Variants in TMEM44 observed in about 807,000 individuals in gnomAD.
The protein encoded by TMEM44 is transmembrane protein 44.
In TMEM44, 43 loss-of-function variants were observed where a neutral mutation model predicts 47.8. The ratio of observed to expected loss-of-function variants is 0.90; its 90% CI spans 0.70 to 1.16. The LOEUF is 1.16. Ranked by LOEUF, TMEM44 falls within the 50% of genes most tolerant of loss-of-function variation. The pLI, the probability that TMEM44 is intolerant of heterozygous loss-of-function variation, is 0.00. For missense variants in TMEM44, 568 were observed against 555.2 expected, an observed-to-expected ratio of 1.02 and a Z score of -0.23; for synonymous variants, 277 against 238.8, an observed-to-expected ratio of 1.16 and a Z score of -1.48.
chr3:194,627,788 G>A (rs1717335261), intron 2 of TMEM44, among the ~76,000 whole-genome samples: 1 of 152,044 alleles, frequency 6.6e-6, no homozygotes, highest in African/African-American at 2.4e-5. Context: ...AGACCAGCCT[G>A]GGCAACATGG....
chr3:194,611,005 G>A lies in TMEM44; in HGVS notation c.928C>T (p.Pro310Ser). The A allele has an allele frequency of 6.2e-7, 1 of 1,613,944 alleles. No individual in the cohort carries two copies. Among genetic ancestry groups the A allele is most frequent in the Admixed American group, 1.7e-5 (1 of 60,002 alleles). Residue 310 changes from proline (P) to serine (S), a missense_variant, in exon 8 of 10, where the codon CCT becomes TCT. Coordinates refer to ENST00000347147, the MANE Select transcript of TMEM44 (RefSeq NM_001011655.3). This position sits in a 1 kb window ranked among gnomAD's most constrained non-coding sequence, Gnocchi z 4.2. ...EENQENLDWV[P>S]LTTLSHCKSL... Reference sequence around the variant, plus strand: ...TTGCAGTGTGACAGTGTGGTGAGAGGCACCCAATCCAAATTCTTGCAAGTA... The same window carrying A: ...TTGCAGTGTGACAGTGTGGTGAGAGACACCCAATCCAAATTCTTGCAAGTA...
intron 9 of TMEM44, among the ~76,000 whole-genome samples, chr3:194,594,951 G>A (rs1224534811): frequency 6.6e-6 from 1 of 152,094 alleles, no homozygotes; most frequent in Admixed American, 6.6e-5. Context: ...GTGTGCCTAA[G>A]GAGTACAATT....
intron 4 of TMEM44, 22 bp downstream of exon 4, chr3:194,623,507 C>A (rs369761643): frequency 2.8e-4 from 445 of 1,565,546 alleles, no homozygotes; most frequent in Non-Finnish European, 2.6e-4. Flanking sequence ...CCCGAGTCCT[C>A]CCCACGGTGG....
intron 8 of TMEM44, among the ~76,000 whole-genome samples, chr3:194,604,871 C>T (rs773024289): frequency 3.9e-5 from 6 of 152,202 alleles, no homozygotes; most frequent in Non-Finnish European, 8.8e-5. Flanking sequence ...CAGTCTCTTG[C>T]TTTTGCAATC....
intron 8 of TMEM44, among the ~76,000 whole-genome samples, chr3:194,609,950 C>T (rs554302033): frequency 1.3e-5 from 2 of 152,218 alleles, no homozygotes; most frequent in East Asian, 1.9e-4. Context: ...TAGACACGGC[C>T]GGACGCAGTG....
At chr3:194,609,253 C>T (rs982730475) in intron 8 of TMEM44, among the ~76,000 whole-genome samples, 4 of 151,948 alleles carry the variant, frequency 2.6e-5, no homozygotes, top group African/African-American at 7.3e-5. Flanking sequence ...GGGGAAAGGA[C>T]GGAGACACGA....
intron 9 of TMEM44, 82 bp downstream of exon 9, chr3:194,604,205 T>G: frequency 1.3e-6 from 2 of 1,504,712 alleles, no homozygotes; most frequent in Non-Finnish European, 1.8e-6. Flanking sequence ...TGAGAACAGC[T>G]GCACAAGCCC....
chr3:194,628,259 G>T, intron 2 of TMEM44, 124 bp downstream of exon 2: 1 of 1,314,904 alleles, frequency 7.6e-7, no homozygotes, highest in Non-Finnish European at 1.0e-6. Flanking sequence ...CACAGGTTCT[G>T]AGGTGACACT....
chr3:194,593,162 T>A (rs1712978238), intron 9 of TMEM44: 1 of 1,391,292 alleles, frequency 7.2e-7, no homozygotes, highest in Admixed American at 1.7e-5. Context: ...AGCTCCTGTC[T>A]GCTCAGTGAG....
chr3:194,593,039 A>G (rs780203955), intron 9 of TMEM44: 6 of 1,613,790 alleles, frequency 3.7e-6, no homozygotes, highest in Non-Finnish European at 5.1e-6. Flanking sequence ...GATCGTCCAT[A>G]CCTGCTCCGA....
At chr3:194,595,975 T>G (rs184270211) in intron 9 of TMEM44, among the ~76,000 whole-genome samples, 168 of 152,086 alleles carry the variant, frequency 1.1e-3, no homozygotes, top group Non-Finnish European at 2.0e-3. Context: ...CTCAGGATCA[T>G]GAAAGGCTTC....
chr3:194,603,358 G>C (rs980877623), intron 9 of TMEM44, among the ~76,000 whole-genome samples: 6 of 152,222 alleles, frequency 3.9e-5, no homozygotes, highest in Admixed American at 2.0e-4. Context: ...TGCTCCTCGG[G>C]GGGAGAAAAG....
At chr3:194,618,727 A>C (rs1716216605) in intron 5 of TMEM44, among the ~76,000 whole-genome samples, 1 of 151,994 alleles carries the variant, frequency 6.6e-6, no homozygotes, top group Non-Finnish European at 1.5e-5. Context: ...GAATGGGAAA[A>C]ATTCAGGAGA....
At chr3:194,621,104 G>A (rs1470953683) in intron 5 of TMEM44, among the ~76,000 whole-genome samples, 1 of 151,882 alleles carries the variant, frequency 6.6e-6, no homozygotes, top group East Asian at 1.9e-4. Flanking sequence ...TAGGGTCTTT[G>A]TGGATGATCA....
intron 6 of TMEM44, 61 bp downstream of exon 6, chr3:194,617,037 AG>A (rs1489431231): frequency 2.2e-5 from 31 of 1,420,290 alleles, no homozygotes; most frequent in Non-Finnish European, 2.7e-5. Flanking sequence ...GGGCAGTGAG[AG>A]GACGAGACAC....
rs988592810 is a variant in TMEM44 at position 194,594,079 on chromosome 3, T to C, written c.1177-5440A>G. Among the ~76,000 whole-genome samples, 14 of 151,906 alleles carry C rather than the reference T, an allele frequency of 9.2e-5. No homozygotes were observed. The South Asian group carries it at 2.3e-3, about 25-fold the overall frequency. ...CTCCCACCCTGGCCACCCAAAATGC[T>C]GGGATTACAGGCATGAGCCACAGCA... On this transcript the variant is annotated intron_variant, in intron 9 of 9. Coordinates refer to ENST00000347147, the MANE Select transcript of TMEM44 (RefSeq NM_001011655.3).
rs146561237 is a variant in TMEM44 at position 194,623,629 on chromosome 3, G to A, written c.425C>T (p.Pro142Leu). ...LRASVFALAL[P>L]LSLGPCWALW... ...AGCCCAGCACGGGCCCAGGCTCAGCGGCAGGGCCAGGGCAAACACACTGGC... is the reference window on the plus strand; with the variant it reads ...AGCCCAGCACGGGCCCAGGCTCAGCAGCAGGGCCAGGGCAAACACACTGGC... Residue 142 changes from proline to leucine, a missense_variant, in exon 4 of 10, where the codon CCG (proline) becomes CTG (leucine). Transcript: ENST00000347147. 41 of 1,612,484 alleles carry A rather than the reference G, an allele frequency of 2.5e-5. No individual in the cohort carries two copies. The highest frequency in any genetic ancestry group is 8.0e-5 in the African/African-American group (6 of 74,926).
intron 5 of TMEM44, chr3:194,622,917 A>C: frequency 3.6e-6 from 1 of 277,532 alleles, no homozygotes; most frequent in Non-Finnish European, 6.8e-6. Context: ...TCCTTCTCTT[A>C]TGGGTTCAGC....
At chr3:194,626,558 T>G (rs949376279) in intron 2 of TMEM44, among the ~76,000 whole-genome samples, 3 of 152,188 alleles carry the variant, frequency 2.0e-5, no homozygotes, top group Non-Finnish European at 4.4e-5. Context: ...GGGTGACCCT[T>G]AACCTCTCTA....
Sources: allele counts gnomAD v4.1 joint callset (sites outside exome capture counted in the v4.1 genomes callset), GRCh38; gene constraint gnomAD v4.1.1; non-coding constraint Gnocchi (gnomAD v3.1); transcripts MANE v1.5; gene names NCBI Gene and HGNC (gene_info 2026-07-23, HGNC 2026-07-21).